BLTP1: variants seen among roughly 807,000 people sequenced by gnomAD.
The protein encoded by BLTP1 is bridge-like lipid transfer protein family member 1.
the BLTP1 span, among the ~76,000 whole-genome samples, chr4:122,236,593 T>C: frequency 6.6e-6 from 1 of 152,122 alleles, no homozygotes; most frequent in Non-Finnish European, 1.5e-5. Flanking sequence ...ATCAGGGCCA[T>C]TGAAGCCACT....
At chr4:122,319,934 T>C in the BLTP1 span, among the ~76,000 whole-genome samples, 1 of 152,128 alleles carries the variant, frequency 6.6e-6, no homozygotes, top group African/African-American at 2.4e-5. Flanking sequence ...GAGAAGAATG[T>C]GTTATTATGA....
the BLTP1 span, chr4:122,272,036 G>C: frequency 9.1e-6 from 11 of 1,203,838 alleles, no homozygotes; most frequent in Non-Finnish European, 1.3e-5. Context: ...TCATTTTGTT[G>C]GGGATTAGGA....
chr4:122,257,810 AT>A, the BLTP1 span, among the ~76,000 whole-genome samples: 1 of 152,224 alleles, frequency 6.6e-6, no homozygotes, highest in Admixed American at 6.5e-5. Context: ...CAAGTAAGTG[AT>A]AATGATTAGG....
the BLTP1 span, among the ~76,000 whole-genome samples, chr4:122,215,916 T>G: frequency 2.6e-5 from 4 of 152,004 alleles, no homozygotes; most frequent in Non-Finnish European, 5.9e-5. Flanking sequence ...TATCCCCCAC[T>G]TATGAGTGCA....
chr4:122,271,808 C>A, the BLTP1 span: 1 of 932,558 alleles, frequency 1.1e-6, no homozygotes, highest in East Asian at 2.6e-5. Context: ...ATCATGTTTT[C>A]TTAATGTCGT....
chr4:122,212,719 A>G, the BLTP1 span, among the ~76,000 whole-genome samples: 29 of 152,188 alleles, frequency 1.9e-4, no homozygotes, highest in Non-Finnish European at 3.8e-4. Context: ...AGACTTGTTT[A>G]TAAGTTCTCT....
At chr4:122,209,340 G>A in the BLTP1 span, 21 of 1,610,706 alleles carry the variant, frequency 1.3e-5, no homozygotes, top group Non-Finnish European at 1.7e-5. Flanking sequence ...CAGGAAAAGT[G>A]AGTACGTAAA....
At chr4:122,336,062 A>G in the BLTP1 span, 1 of 630,782 alleles carries the variant, frequency 1.6e-6, no homozygotes, top group Non-Finnish European at 2.6e-6. Context: ...TCAACCTGCT[A>G]CTTTTATTAT....
the BLTP1 span, chr4:122,186,064 C>A: frequency 8.7e-6 from 14 of 1,600,436 alleles, no homozygotes; most frequent in Non-Finnish European, 1.2e-5. Context: ...GGTTATACAT[C>A]ACAGTCAATG....
chr4:122,254,815 C>A, the BLTP1 span: 1 of 1,570,576 alleles, frequency 6.4e-7, no homozygotes, highest in Non-Finnish European at 8.6e-7. Context: ...GCAGCTGAAC[C>A]TTTTAAGCAC....
the BLTP1 span, chr4:122,244,700 C>G: frequency 2.3e-5 from 18 of 781,578 alleles, no homozygotes; most frequent in Non-Finnish European, 2.6e-5. Context: ...TAATTTTCTT[C>G]GATAACTTAT....
the BLTP1 span, among the ~76,000 whole-genome samples, chr4:122,252,950 A>T: frequency 6.6e-6 from 1 of 152,230 alleles, no homozygotes; most frequent in African/African-American, 2.4e-5. Context: ...AGCTCAGCAC[A>T]CACAGAGAGA....
chr4:122,152,749 C>T, the BLTP1 span, among the ~76,000 whole-genome samples: 1 of 151,968 alleles, frequency 6.6e-6, no homozygotes, highest in African/African-American at 2.4e-5. Context: ...AGCCCTGGCA[C>T]CTATAAACCG....
chr4:122,157,834 A>G, the BLTP1 span, among the ~76,000 whole-genome samples: 2 of 152,294 alleles, frequency 1.3e-5, no homozygotes, highest in African/African-American at 4.8e-5. Context: ...ATTGGCTATT[A>G]TGTGGATCCA....
At chr4:122,325,415 C>G in the BLTP1 span, 1 of 1,421,280 alleles carries the variant, frequency 7.0e-7, no homozygotes, top group Admixed American at 2.6e-5. Context: ...ATACTGATTT[C>G]TTACTATAAT....
the BLTP1 span, among the ~76,000 whole-genome samples, chr4:122,324,760 C>T: frequency 4.0e-5 from 6 of 151,838 alleles, no homozygotes; most frequent in African/African-American, 1.4e-4. Context: ...TAATGAAGTA[C>T]GCTGCTATTT....
At chr4:122,227,506 G>T in the BLTP1 span, 1 of 983,554 alleles carries the variant, frequency 1.0e-6, no homozygotes, top group Admixed American at 6.1e-5. Flanking sequence ...GGAAAACATG[G>T]CTGTTTCAAA....
chr4:122,268,022 A>G, the BLTP1 span, among the ~76,000 whole-genome samples: 1 of 152,156 alleles, frequency 6.6e-6, no homozygotes, highest in Non-Finnish European at 1.5e-5. Flanking sequence ...TAATTTAACA[A>G]AAGTTCTTGC....
At chr4:122,334,167 C>G in the BLTP1 span, 9 of 223,882 alleles carry the variant, frequency 4.0e-5, no homozygotes, top group Middle Eastern at 4.6e-3. Context: ...CTGAAATGAC[C>G]TTTTTATTTT....
Sources: allele counts gnomAD v4.1 joint callset (sites outside exome capture counted in the v4.1 genomes callset), GRCh38; gene constraint gnomAD v4.1.1; transcripts MANE v1.5; gene names NCBI Gene and HGNC (gene_info 2026-07-23, HGNC 2026-07-21).